Variants in MYO5B observed in about 807,000 individuals in gnomAD.
The protein encoded by MYO5B is unconventional myosin-Vb.
A neutral mutation model predicts 229.3 loss-of-function variants in MYO5B; 143 were observed. That is an observed-to-expected ratio of 0.62 (90% CI 0.54 to 0.72). MYO5B has a LOEUF of 0.72. Ranked by LOEUF, MYO5B falls within the 30% of genes least tolerant of loss-of-function variation. The probability of loss-of-function intolerance (pLI) is 0.00; values close to 1 mark genes in which losing one functional copy is unlikely to be tolerated. For missense variants in MYO5B, 2,321 were observed against 2,331.0 expected (o/e 1.00, Z 0.09); for synonymous variants, 918 against 885.2 (o/e 1.04, Z -0.66).
At chr18:50,003,980 A>G (rs946556391) in intron 4 of MYO5B, among the ~76,000 whole-genome samples, 9 of 152,152 alleles carry the variant, frequency 5.9e-5, no homozygotes, top group African/African-American at 2.2e-4. Flanking sequence ...CTGGACTACA[A>G]GGAGACCCAG....
intron 4 of MYO5B, among the ~76,000 whole-genome samples, chr18:50,023,897 T>C (rs1328218468): frequency 6.6e-6 from 1 of 152,158 alleles, no homozygotes; most frequent in East Asian, 1.9e-4. Context: ...CCTATGCTGT[T>C]TGACCTGAAG....
At chr18:50,084,217 G>A (rs2031280610) in intron 1 of MYO5B, among the ~76,000 whole-genome samples, 2 of 152,130 alleles carry the variant, frequency 1.3e-5, no homozygotes, top group Non-Finnish European at 1.5e-5. Flanking sequence ...AGGATGAATC[G>A]AGTATTAATT....
chr18:49,826,174 T>C lies in MYO5B; in HGVS notation c.*297A>G, dbSNP rs770108214. ...AACTAGGCAGCTTCGTTTTATAGAA[T>C]TGACACCTTTTATATGTCTATGGGG... On this transcript the variant is annotated 3_prime_UTR_variant, in exon 40 of 40. Coordinates refer to ENST00000285039, the MANE Select transcript of MYO5B (RefSeq NM_001080467.3). 21 of 388,528 alleles carry C rather than the reference T, an allele frequency of 5.4e-5. No individual in the cohort carries two copies. Among genetic ancestry groups the C allele is most frequent in the African/African-American group, 2.1e-4 (10 of 48,558 alleles). 24.1% of individuals were successfully genotyped at this position (388,528 alleles called of 1,614,324 possible).
chr18:49,825,806 G>A lies in MYO5B; in HGVS notation c.*665C>T, dbSNP rs1400030441. On this transcript the variant is annotated 3_prime_UTR_variant, in exon 40 of 40. Transcript: ENST00000285039. Reference sequence around the variant, plus strand: ...CATTAAATCAAGATAACACAAAAGCGTTTGAGCACACTGAGGACTGGCACT... The same window carrying A: ...CATTAAATCAAGATAACACAAAAGCATTTGAGCACACTGAGGACTGGCACT... 3.3e-5 allele frequency: 5 copies of A among 153,214 alleles called. No homozygotes were observed. Among genetic ancestry groups the A allele is most frequent in the East Asian group, 3.8e-4 (2 of 5,206 alleles). 9.5% of individuals were successfully genotyped at this position (153,214 alleles called of 1,614,324 possible). A position where few individuals can be genotyped will look rare whatever the true frequency, so the allele number is the denominator to read the frequency against.
Position 49,953,343 on chromosome 18 carries a change from C to T in MYO5B, c.1669G>A (p.Val557Met). 1.9e-6 allele frequency: 3 copies of T among 1,614,038 alleles called. No individual in the cohort carries two copies. Among genetic ancestry groups the T allele is most frequent in the Non-Finnish European group, 2.5e-6 (3 of 1,179,898 alleles). ...AGAAAACCATCAGAGAGGTACTCCA[C>T]CTGGGGCCACAGCAACCAGAGAGAG... ...AFIIVHFADKVEYLSDGFLEK... is the reference protein window; with the variant it reads ...AFIIVHFADKMEYLSDGFLEK... The change falls in exon 14 of 40, where the codon GTG (valine) becomes ATG (methionine). Residue 557 changes from valine (V) to methionine (M), a missense_variant and splice_region_variant. Coordinates refer to ENST00000285039, the MANE Select transcript of MYO5B (RefSeq NM_001080467.3).
At chr18:50,002,929 T>C (rs2026063670) in intron 4 of MYO5B, among the ~76,000 whole-genome samples, 2 of 152,126 alleles carry the variant, frequency 1.3e-5, no homozygotes, top group African/African-American at 4.8e-5. Flanking sequence ...GGGTTTGCCC[T>C]GCCTTGCTAA....
intron 12 of MYO5B, among the ~76,000 whole-genome samples, chr18:49,957,891 C>T (rs2025513833): frequency 6.6e-6 from 1 of 152,080 alleles, no homozygotes; most frequent in Non-Finnish European, 1.5e-5. Flanking sequence ...GGAGTACCCT[C>T]TGGCCCCTCC....
chr18:50,144,074 A>G lies in MYO5B; in HGVS notation c.27+50693T>C, dbSNP rs140818722. On this transcript the variant is annotated intron_variant, in intron 1 of 39. Transcript: ENST00000285039. ...TGAAAATGTCTTCTGGGCATGTAACATCACAGTGAGTCACAGAACACAGAG... is the reference window on the plus strand; with the variant it reads ...TGAAAATGTCTTCTGGGCATGTAACGTCACAGTGAGTCACAGAACACAGAG... Among the ~76,000 whole-genome samples the G allele has an allele frequency of 4.4e-3, 668 of 152,306 alleles. 7 individuals are homozygous for G. The highest frequency in any genetic ancestry group is 0.015 in the African/African-American group (628 of 41,562).
At chr18:50,097,263 T>C (rs1318906014) in intron 1 of MYO5B, 1 of 456,600 alleles carries the variant, frequency 2.2e-6, no homozygotes, top group African/African-American at 2.0e-5. Flanking sequence ...GACAGGCCAG[T>C]GCATGCTGGC....
intron 1 of MYO5B, among the ~76,000 whole-genome samples, chr18:50,085,779 A>G (rs867116343): frequency 0.01 from 1,531 of 152,220 alleles, 29 homozygotes; most frequent in African/African-American, 0.034. Flanking sequence ...CATGGATGAA[A>G]CTGGAAACCA....
chr18:50,007,826 A>T (rs2026119191), intron 4 of MYO5B, among the ~76,000 whole-genome samples: 1 of 152,244 alleles, frequency 6.6e-6, no homozygotes, highest in South Asian at 2.1e-4. Flanking sequence ...CAAATGGTTT[A>T]TGAGACTCTT....
intron 34 of MYO5B, 93 bp downstream of exon 34, chr18:49,843,148 A>G (rs746068674): frequency 6.4e-5 from 99 of 1,535,862 alleles, no homozygotes; most frequent in Non-Finnish European, 8.4e-5. Flanking sequence ...AGGAGCATTC[A>G]CTACAGCCAA....
chr18:50,069,258 C>A lies in MYO5B; in HGVS notation c.28-13880G>T, dbSNP rs562427824. On this transcript the variant is annotated intron_variant, in intron 1 of 39. Transcript: ENST00000285039. ...TCCCTCTCCTGCTATTATCTACTATCTGTCTGTGTTTAACAGAGAACCTTC... is the reference window on the plus strand; with the variant it reads ...TCCCTCTCCTGCTATTATCTACTATATGTCTGTGTTTAACAGAGAACCTTC... 3.3e-5 allele frequency among the ~76,000 whole-genome samples: 5 copies of A among 152,282 alleles called. No individual in the cohort carries two copies. In the South Asian group the frequency reaches 8.3e-4, roughly 25 times the overall value.
chr18:49,974,344 G>A lies in MYO5B; in HGVS notation c.1322+6C>T. 1 of 1,614,196 alleles carries A rather than the reference G, an allele frequency of 6.2e-7. No homozygotes were observed. The highest frequency in any genetic ancestry group is 8.5e-7 in the Non-Finnish European group (1 of 1,180,026). On this transcript the variant is annotated splice_donor_region_variant and intron_variant, in intron 10 of 39. Coordinates refer to ENST00000285039, the MANE Select transcript of MYO5B (RefSeq NM_001080467.3). Reference sequence around the variant, plus strand: ...GCAGATAGAGCGAGACAGGCGGCAGGCCTACCCATAGATGTCCAGGACCCC... The same window carrying A: ...GCAGATAGAGCGAGACAGGCGGCAGACCTACCCATAGATGTCCAGGACCCC...
intron 1 of MYO5B, among the ~76,000 whole-genome samples, chr18:50,121,872 A>C (rs1054643833): frequency 6.6e-6 from 1 of 152,216 alleles, no homozygotes; most frequent in Non-Finnish European, 1.5e-5. Flanking sequence ...CCATGCAACT[A>C]CCAATAACAG....
At chr18:49,908,357 T>C (rs1235391070) in intron 18 of MYO5B, among the ~76,000 whole-genome samples, 4 of 152,186 alleles carry the variant, frequency 2.6e-5, no homozygotes, top group African/African-American at 9.7e-5. Context: ...CGATCAATCA[T>C]CTTTTGAGAA....
intron 26 of MYO5B, among the ~76,000 whole-genome samples, chr18:49,873,045 C>T (rs1248613817): frequency 6.6e-6 from 1 of 152,204 alleles, no homozygotes; most frequent in Non-Finnish European, 1.5e-5. Flanking sequence ...GAGCTGCTTC[C>T]TCCATGACAC....
Position 49,936,297 on chromosome 18 carries a change from T to C in MYO5B, c.1958A>G (p.His653Arg), listed in dbSNP as rs190575106. 27 of 1,604,054 alleles carry C rather than the reference T, an allele frequency of 1.7e-5. No individual in the cohort carries two copies. In the East Asian group the frequency reaches 4.5e-4, roughly 27 times the overall value. The change falls in exon 16 of 40, where the codon CAC (histidine) becomes CGC (arginine). Residue 653 changes from histidine (H) to arginine (R), a missense_variant. Around this residue, in one of 2 missense-constraint regions of MYO5B, gnomAD observed 2,113 missense variants for 2,044.7 expected, o/e 1.03. Coordinates refer to ENST00000285039, the MANE Select transcript of MYO5B (RefSeq NM_001080467.3). The stretch of plus-strand genomic sequence containing the variant: ...GTTGGGCTTGATGCAGCGGACATAG[T>C]GAGGTGTCGTGGCATTCAGGGTCTC... ...LMETLNATTP[H>R]YVRCIKPNDE... is the part of the protein sequence containing the mutation.
intron 4 of MYO5B, among the ~76,000 whole-genome samples, chr18:50,010,737 C>T (rs2026152717): frequency 6.6e-6 from 1 of 152,180 alleles, no homozygotes; most frequent in Admixed American, 6.5e-5. Context: ...TAGGGGTGAA[C>T]TATGATATAC....
Sources: allele counts gnomAD v4.1 joint callset (sites outside exome capture counted in the v4.1 genomes callset), GRCh38; gene constraint gnomAD v4.1.1; regional missense constraint gnomAD v4.1.1; transcripts MANE v1.5; gene names NCBI Gene and HGNC (gene_info 2026-07-23, HGNC 2026-07-21).